DHX15: variants seen among roughly 807,000 people sequenced by gnomAD.
DHX15 encodes ATP-dependent RNA helicase DHX15.
A neutral mutation model predicts 94.4 loss-of-function variants in DHX15; 11 were observed. That is an observed-to-expected ratio of 0.12 (90% CI 0.07 to 0.19). The LOEUF (loss-of-function observed/expected upper bound fraction) is 0.19. DHX15 is among the 10% of genes least tolerant of loss of function. DHX15 has a pLI of 1.00. For missense variants in DHX15, 304 were observed against 988.5 expected, an observed-to-expected ratio of 0.31 and a Z score of 9.29; for synonymous variants, 338 against 329.9, an observed-to-expected ratio of 1.02 and a Z score of -0.27.
chr4:24,529,026 T>C (rs1388112041), intron 13 of DHX15, among the ~76,000 whole-genome samples: 1 of 152,076 alleles, frequency 6.6e-6, no homozygotes, highest in Non-Finnish European at 1.5e-5. Flanking sequence ...AAAAACCCTT[T>C]TTTAAAAGTA....
intron 1 of DHX15, among the ~76,000 whole-genome samples, chr4:24,579,255 G>A (rs1334327539): frequency 6.6e-6 from 1 of 152,182 alleles, no homozygotes; most frequent in Non-Finnish European, 1.5e-5. Flanking sequence ...GAGGATGCAG[G>A]AGGCAAATTC....
intron 6 of DHX15, among the ~76,000 whole-genome samples, chr4:24,546,648 C>G (rs926392822): frequency 1.3e-5 from 2 of 152,124 alleles, no homozygotes; most frequent in Non-Finnish European, 2.9e-5. Flanking sequence ...AAATCGTTCA[C>G]CATTAGTGCT....
rs138089413 is a variant in DHX15 at position 24,584,348 on chromosome 4, C to T, written c.46G>A (p.Gly16Ser). 3.0e-4 allele frequency: 484 copies of T among 1,613,200 alleles called. No individual in the cohort carries two copies. Among genetic ancestry groups the T allele is most frequent in the South Asian group, 4.6e-4 (42 of 90,924 alleles). ...CCATCGGTCCCCGCACGCTTCTTGCCAGAGGGGTAATCCTCCCCTAGGTCC... is the reference window on the plus strand; with the variant it reads ...CCATCGGTCCCCGCACGCTTCTTGCTAGAGGGGTAATCCTCCCCTAGGTCC... The part of the protein sequence containing the change: ...RLDLGEDYPS[G>S]KKRAGTDGKD... Residue 16 changes from glycine to serine, a missense_variant, in exon 1 of 14, where the codon GGC becomes AGC. Physicochemically the swap from Gly to Ser is moderately conservative, Grantham distance 56. Coordinates refer to ENST00000336812, the MANE Select transcript of DHX15 (RefSeq NM_001358.3).
intron 1 of DHX15, among the ~76,000 whole-genome samples, chr4:24,581,478 GA>G (rs1016436400): frequency 2.0e-5 from 3 of 152,212 alleles, no homozygotes; most frequent in African/African-American, 7.2e-5. Context: ...AGAGATCTTA[GA>G]AAATGTTCAC....
intron 3 of DHX15, among the ~76,000 whole-genome samples, chr4:24,559,745 A>G (rs1295174328): frequency 1.3e-5 from 2 of 152,170 alleles, no homozygotes; most frequent in Non-Finnish European, 2.9e-5. Flanking sequence ...TTAAAAATTT[A>G]TTAGCATCAC....
chr4:24,560,012 C>T (rs1394539850), intron 3 of DHX15, among the ~76,000 whole-genome samples: 1 of 152,046 alleles, frequency 6.6e-6, no homozygotes, highest in South Asian at 2.1e-4. Context: ...ATAAAATATA[C>T]CAAAAACCCC....
chr4:24,583,062 T>C (rs1356233498), intron 1 of DHX15, among the ~76,000 whole-genome samples: 1 of 152,192 alleles, frequency 6.6e-6, no homozygotes, highest in African/African-American at 2.4e-5. Flanking sequence ...GAAATCAATT[T>C]CAATGAAGAA....
intron 1 of DHX15, among the ~76,000 whole-genome samples, chr4:24,579,694 A>G (rs1414808490): frequency 6.6e-6 from 1 of 152,238 alleles, no homozygotes. Flanking sequence ...ATAGGATTAA[A>G]TGAGTTAATA....
At chr4:24,566,820 A>T (rs1722005037) in intron 3 of DHX15, among the ~76,000 whole-genome samples, 1 of 152,048 alleles carries the variant, frequency 6.6e-6, no homozygotes, top group African/African-American at 2.4e-5. Context: ...ATGAGATGAG[A>T]CTCTATCTCA....
At chr4:24,529,939 G>A in intron 12 of DHX15, 169 bp from the exon 13 acceptor site, 1 of 670,296 alleles carries the variant, frequency 1.5e-6, no homozygotes, top group Non-Finnish European at 2.5e-6. Context: ...CTGCCTGTGG[G>A]CCAAATCCAA....
chr4:24,556,215 CAT>C (rs1721735460), intron 4 of DHX15, 34 bp downstream of exon 4: 1 of 1,595,514 alleles, frequency 6.3e-7, no homozygotes, highest in Non-Finnish European at 8.6e-7. Flanking sequence ...CACATACACA[CAT>C]ATATAGTTAA....
intron 3 of DHX15, among the ~76,000 whole-genome samples, chr4:24,560,639 G>A (rs1349462960): frequency 6.6e-6 from 1 of 151,918 alleles, no homozygotes; most frequent in Non-Finnish European, 1.5e-5. Flanking sequence ...TAGAAATATG[G>A]GCAAAGCATA....
intron 13 of DHX15, 33 bp from the exon 14 acceptor site, chr4:24,528,074 T>A: frequency 6.8e-7 from 1 of 1,474,250 alleles, no homozygotes; most frequent in African/African-American, 1.4e-5. Context: ...ATTTCCAAAT[T>A]AACATTTAAT....
At chr4:24,541,022 TG>T in intron 8 of DHX15, 74 bp from the exon 9 acceptor site, 1 of 790,644 alleles carries the variant, frequency 1.3e-6, no homozygotes, top group Non-Finnish European at 2.1e-6. Flanking sequence ...AACAAAAATC[TG>T]CTGCCTCCTG....
intron 3 of DHX15, among the ~76,000 whole-genome samples, chr4:24,568,854 A>G (rs1483835900): frequency 6.6e-6 from 1 of 152,250 alleles, no homozygotes; most frequent in Non-Finnish European, 1.5e-5. Flanking sequence ...TGTCAATTAT[A>G]CTGTAATTAC....
At chr4:24,556,048 G>C (rs1207242966) in intron 4 of DHX15, among the ~76,000 whole-genome samples, 1 of 152,048 alleles carries the variant, frequency 6.6e-6, no homozygotes, top group East Asian at 1.9e-4. Context: ...AGAAGATTGG[G>C]CTTAAAAATG....
chr4:24,553,374 T>G (rs1721654857), intron 5 of DHX15, among the ~76,000 whole-genome samples: 1 of 151,518 alleles, frequency 6.6e-6, no homozygotes, highest in African/African-American at 2.4e-5. Context: ...TACTATGCAC[T>G]TTGGAGGAAA....
chr4:24,528,964 C>T (rs930604515), intron 13 of DHX15, among the ~76,000 whole-genome samples: 1 of 151,548 alleles, frequency 6.6e-6, no homozygotes, highest in African/African-American at 2.4e-5. Flanking sequence ...TTGAGAATCA[C>T]AACAGCAAGA....
At chr4:24,548,126 T>C (rs917526491) in intron 6 of DHX15, among the ~76,000 whole-genome samples, 2 of 147,666 alleles carry the variant, frequency 1.4e-5, no homozygotes, top group Admixed American at 6.7e-5. Context: ...ACTTATGCAG[T>C]GTGATCAGTG....
Sources: allele counts gnomAD v4.1 joint callset (sites outside exome capture counted in the v4.1 genomes callset), GRCh38; gene constraint gnomAD v4.1.1; transcripts MANE v1.5; gene names NCBI Gene and HGNC (gene_info 2026-07-23, HGNC 2026-07-21).